The following INSL6 variants were observed in gnomAD, a reference collection of about 807,000 sequenced individuals.
The protein encoded by INSL6 is insulin like 6.
INSL6 carries 16 observed loss-of-function variants against 9.4 expected under a neutral mutation model. The ratio of observed to expected loss-of-function variants is 1.70; its 90% CI spans 1.15 to 2.59. The LOEUF is 2.59. INSL6 is among the 30% of genes most tolerant of loss of function. The pLI, the probability that INSL6 is intolerant of heterozygous loss-of-function variation, is 0.00. For synonymous variants in INSL6, 154 were observed against 96.9 expected (o/e 1.59, Z -3.46); for missense variants, 391 against 257.3 (o/e 1.52, Z -3.56).
At chr9:5,085,075 C>CT in the INSL6 span, 1 of 682,162 alleles carries the variant, frequency 1.5e-6, no homozygotes, top group Non-Finnish European at 2.7e-6. Context: ...ACTGCTCTCT[C>CT]TTATTGCTTC....
intron 1 of INSL6, among the ~76,000 whole-genome samples, chr9:5,168,281 G>A (rs953793353): frequency 1.2e-4 from 18 of 152,186 alleles, no homozygotes; most frequent in African/African-American, 4.3e-4. Flanking sequence ...ACATCCCTGA[G>A]CTAAAGGAGT....
intron 2 of INSL6, among the ~76,000 whole-genome samples, chr9:5,139,945 T>A (rs1824464930): frequency 6.6e-6 from 1 of 152,158 alleles, no homozygotes; most frequent in Non-Finnish European, 1.5e-5. Flanking sequence ...AGATGTCTTT[T>A]CAAGGGATTG....
At chr9:5,017,314 CAAT>C in the INSL6 span, among the ~76,000 whole-genome samples, 2 of 152,118 alleles carry the variant, frequency 1.3e-5, no homozygotes, top group South Asian at 2.1e-4. Context: ...AGACCCAAAA[CAAT>C]GATGAGCACA....
At chr9:5,161,726 A>C (rs1025718837), downstream of INSL6, among the ~76,000 whole-genome samples, 1 of 152,206 alleles carries the variant, frequency 6.6e-6, no homozygotes, top group African/African-American at 2.4e-5. Context: ...ACTCATAAAC[A>C]AATTCGGTAA....
chr9:5,174,169 A>G (rs914201989), intron 1 of INSL6, among the ~76,000 whole-genome samples: 4 of 152,074 alleles, frequency 2.6e-5, no homozygotes, highest in African/African-American at 4.8e-5. Flanking sequence ...CAGAAAACTT[A>G]TTTCTCCCAC....
chr9:5,090,657 A>G, the INSL6 span: 5 of 1,514,292 alleles, frequency 3.3e-6, no homozygotes, highest in Non-Finnish European at 4.4e-6. Context: ...TTCATAGATA[A>G]TAAAGGGAAT....
chr9:5,128,943 A>C (rs910160053), intron 3 of INSL6, among the ~76,000 whole-genome samples: 1 of 152,020 alleles, frequency 6.6e-6, no homozygotes, highest in Non-Finnish European at 1.5e-5. Flanking sequence ...TAAGTTATAC[A>C]ATCTTTATAT....
At chr9:5,180,870 T>G (rs910488117) in intron 1 of INSL6, among the ~76,000 whole-genome samples, 4 of 152,202 alleles carry the variant, frequency 2.6e-5, no homozygotes, top group Non-Finnish European at 4.4e-5. Flanking sequence ...TAGACCCTTA[T>G]TAGTAGTTCT....
the INSL6 span, among the ~76,000 whole-genome samples, chr9:5,012,812 C>T: frequency 1.3e-5 from 2 of 152,148 alleles, no homozygotes; most frequent in African/African-American, 4.8e-5. Flanking sequence ...GAGAGGTAAG[C>T]AGCAAACAGA....
At chr9:5,068,046 G>T in the INSL6 span, among the ~76,000 whole-genome samples, 31 of 152,104 alleles carry the variant, frequency 2.0e-4, no homozygotes, top group Admixed American at 1.7e-3. Context: ...TGTAGTCCCA[G>T]CTACTCGGGA....
chr9:5,006,873 G>T, the INSL6 span, among the ~76,000 whole-genome samples: 4 of 152,166 alleles, frequency 2.6e-5, no homozygotes, highest in African/African-American at 4.8e-5. Context: ...TCTTGTGCTA[G>T]TTTAGGTAAA....
exon 4 of INSL6, among the ~76,000 whole-genome samples, chr9:5,124,176 G>T (rs1430965024): frequency 1.3e-5 from 2 of 151,760 alleles, no homozygotes; most frequent in African/African-American, 4.8e-5. Flanking sequence ...TCATTCTGTT[G>T]ATTATTGATT....
chr9:4,994,669 G>T, the INSL6 span, among the ~76,000 whole-genome samples: 1 of 152,174 alleles, frequency 6.6e-6, no homozygotes, highest in Admixed American at 6.5e-5. Context: ...GCTCATGGCT[G>T]TGTTCTCATA....
At chr9:5,071,847 C>G in the INSL6 span, among the ~76,000 whole-genome samples, 1 of 152,140 alleles carries the variant, frequency 6.6e-6, no homozygotes, top group Non-Finnish European at 1.5e-5. Context: ...CACAAGCAGC[C>G]TTACTGCAGA....
At chr9:5,094,413 C>G in the INSL6 span, 1 of 152,134 alleles carries the variant, frequency 6.6e-6, no homozygotes, top group African/African-American at 2.4e-5. Context: ...GCCTAGCAGT[C>G]TATTCCATTC....
At chr9:5,169,664 G>T (rs1381480324) in intron 1 of INSL6, among the ~76,000 whole-genome samples, 25 of 152,256 alleles carry the variant, frequency 1.6e-4, no homozygotes, top group South Asian at 2.1e-4. Context: ...TCAAAATAAA[G>T]TATGGAGGAA....
chr9:5,100,797 C>A, the INSL6 span: 9 of 152,368 alleles, frequency 5.9e-5, no homozygotes, highest in African/African-American at 2.2e-4. Flanking sequence ...CTTTTACTAT[C>A]TCTGATGGGA....
the INSL6 span, among the ~76,000 whole-genome samples, chr9:5,101,966 A>G: frequency 6.6e-6 from 1 of 152,230 alleles, no homozygotes; most frequent in Non-Finnish European, 1.5e-5. Context: ...AGAAAAGCTG[A>G]AAATTCTAAA....
At chr9:5,085,414 C>CG in the INSL6 span, 1 of 767,102 alleles carries the variant, frequency 1.3e-6, no homozygotes, top group Non-Finnish European at 2.4e-6. Context: ...GACTGCTTTA[C>CG]AACTGTTGGC....
Sources: allele counts gnomAD v4.1 joint callset (sites outside exome capture counted in the v4.1 genomes callset), GRCh38; gene constraint gnomAD v4.1.1; transcripts MANE v1.5; gene names NCBI Gene and HGNC (gene_info 2026-07-23, HGNC 2026-07-21).